Variants in NUDCD3 observed in about 807,000 individuals in gnomAD.
NUDCD3 encodes the protein nudC domain-containing protein 3.
A neutral mutation model predicts 39.7 loss-of-function variants in NUDCD3; 13 were observed. The ratio of observed to expected loss-of-function variants is 0.33; its 90% CI spans 0.21 to 0.52. The LOEUF is 0.52. Ranked by LOEUF, NUDCD3 falls within the 20% of genes least tolerant of loss-of-function variation. NUDCD3 has a pLI of 0.96. For synonymous variants in NUDCD3, 175 were observed against 172.4 expected, an observed-to-expected ratio of 1.02 and a Z score of -0.12; for missense variants, 453 against 458.1, an observed-to-expected ratio of 0.99 and a Z score of 0.10.
At chr7:44,490,364 G>C in intron 1 of NUDCD3, 45 bp downstream of exon 1, 1 of 1,480,100 alleles carries the variant, frequency 6.8e-7, no homozygotes. Context: ...AGTCAGGGCA[G>C]GCCGGGGGCG....
chr7:44,420,624 G>A (rs893001202), intron 3 of NUDCD3, among the ~76,000 whole-genome samples: 1 of 152,174 alleles, frequency 6.6e-6, no homozygotes, highest in Non-Finnish European at 1.5e-5. Flanking sequence ...TCTACAAAGG[G>A]AAGCCCACAG....
At chr7:44,431,668 C>CTTTTTT (rs755819096) in intron 2 of NUDCD3, among the ~76,000 whole-genome samples, 7 of 120,844 alleles carry the variant, frequency 5.8e-5, no homozygotes, top group Non-Finnish European at 1.2e-4. Context: ...TCTCTCCTTC[C>CTTTTTT]TTTTTTTTTT....
At chr7:44,418,303 A>G (rs1563170776) in intron 3 of NUDCD3, among the ~76,000 whole-genome samples, 1 of 152,182 alleles carries the variant, frequency 6.6e-6, no homozygotes, top group Admixed American at 6.5e-5. Context: ...AGAGAGGTTC[A>G]TTTCCTATAA....
chr7:44,388,798 T>C (rs1004431997), intron 5 of NUDCD3, among the ~76,000 whole-genome samples: 5 of 152,196 alleles, frequency 3.3e-5, no homozygotes, highest in African/African-American at 1.2e-4. Flanking sequence ...TCGCTGAAGA[T>C]CTCCCAGGGC....
chr7:44,457,250 G>A (rs1033104337), intron 2 of NUDCD3, among the ~76,000 whole-genome samples: 3 of 152,160 alleles, frequency 2.0e-5, no homozygotes, highest in South Asian at 2.1e-4. Context: ...CATTTTCCCC[G>A]ATGAATGGAA....
intron 2 of NUDCD3, among the ~76,000 whole-genome samples, chr7:44,480,941 CAAAAAAAAAA>C (rs1164765600): frequency 5.7e-5 from 2 of 34,874 alleles, no homozygotes; most frequent in African/African-American, 1.1e-4. Context: ...GACCCAGTAT[CAAAAAAAAAA>C]AAAAAAAAAA....
intron 2 of NUDCD3, among the ~76,000 whole-genome samples, chr7:44,444,711 T>C (rs1275546003): frequency 6.6e-6 from 1 of 152,204 alleles, no homozygotes; most frequent in African/African-American, 2.4e-5. Context: ...TGTGAGACCC[T>C]GTGCCGTAAG....
chr7:44,441,557 C>A (rs1375535098), intron 2 of NUDCD3, among the ~76,000 whole-genome samples: 1 of 152,172 alleles, frequency 6.6e-6, no homozygotes, highest in Non-Finnish European at 1.5e-5. Context: ...TCTACCCGCC[C>A]TGCCCAGCCT....
rs776667247 is a variant in NUDCD3, at chr7:44,409,898, T to TA, written c.643-5316dup. 2.6e-5 allele frequency among the ~76,000 whole-genome samples: 4 copies of TA among 152,150 alleles called. No individual in the cohort carries two copies. In the East Asian group the frequency reaches 7.7e-4, roughly 29 times the overall value. On this transcript the variant is annotated intron_variant, in intron 3 of 5. Coordinates refer to ENST00000355451, the MANE Select transcript of NUDCD3 (RefSeq NM_015332.4). ...GTTCAAAAGTAAAAGGGGGAAAAGATAAGCGTTCATGAAAGGGGCTCAAAA... is the reference window on the plus strand; with the variant it reads ...GTTCAAAAGTAAAAGGGGGAAAAGATAAAGCGTTCATGAAAGGGGCTCAAAA...
At chr7:44,479,261 T>A (rs1800440532) in intron 2 of NUDCD3, among the ~76,000 whole-genome samples, 1 of 152,198 alleles carries the variant, frequency 6.6e-6, no homozygotes, top group Admixed American at 6.5e-5. Context: ...CTGTGGTGGT[T>A]ACAAGACTAC....
At chr7:44,430,641 G>A (rs1468961154) in intron 2 of NUDCD3, among the ~76,000 whole-genome samples, 1 of 151,354 alleles carries the variant, frequency 6.6e-6, no homozygotes, top group Non-Finnish European at 1.5e-5. Context: ...GCAGAGATCA[G>A]GGAGTAAACA....
chr7:44,407,009 T>G (rs1798835285), intron 3 of NUDCD3, among the ~76,000 whole-genome samples: 1 of 152,126 alleles, frequency 6.6e-6, no homozygotes, highest in African/African-American at 2.4e-5. Flanking sequence ...TCCCTCTGTT[T>G]GCTACAGAAG....
At chr7:44,422,283 AAGATC>A (rs1799154652) in intron 3 of NUDCD3, among the ~76,000 whole-genome samples, 1 of 152,216 alleles carries the variant, frequency 6.6e-6, no homozygotes, top group South Asian at 2.1e-4. Flanking sequence ...AGAAATAACT[AAGATC>A]AGAGCAGAAC....
intron 2 of NUDCD3, among the ~76,000 whole-genome samples, chr7:44,440,203 T>A (rs111408647): frequency 1.4e-3 from 207 of 152,318 alleles, no homozygotes; most frequent in African/African-American, 4.6e-3. Flanking sequence ...CATGTTAACA[T>A]CATGTACCTC....
intron 2 of NUDCD3, among the ~76,000 whole-genome samples, chr7:44,428,192 T>A (rs1458648914): frequency 1.3e-5 from 2 of 149,870 alleles, no homozygotes; most frequent in African/African-American, 4.9e-5. Flanking sequence ...CCCAGCACTT[T>A]GGGAGGCCAA....
intron 2 of NUDCD3, among the ~76,000 whole-genome samples, chr7:44,460,159 T>A (rs181329721): frequency 1.4e-4 from 21 of 152,216 alleles, no homozygotes; most frequent in African/African-American, 5.1e-4. Context: ...AATCAACTGA[T>A]AGAAGAAAAG....
At chr7:44,412,465 T>C (rs1798944624) in intron 3 of NUDCD3, among the ~76,000 whole-genome samples, 1 of 152,244 alleles carries the variant, frequency 6.6e-6, no homozygotes, top group Non-Finnish European at 1.5e-5. Context: ...ATTTGCATTT[T>C]AGAACGCCTG....
chr7:44,465,046 C>A (rs999758154), intron 2 of NUDCD3, among the ~76,000 whole-genome samples: 5 of 152,166 alleles, frequency 3.3e-5, no homozygotes, highest in Non-Finnish European at 7.3e-5. Context: ...GTGCTCTGCT[C>A]CACCTCAGCA....
intron 4 of NUDCD3, among the ~76,000 whole-genome samples, chr7:44,397,107 T>G (rs893482901): frequency 6.6e-6 from 1 of 152,156 alleles, no homozygotes; most frequent in African/African-American, 2.4e-5. Context: ...TCAGCAGTCC[T>G]CTCAGCCCGA....
Sources: gnomAD v4.1 joint callset for allele counts (sites outside exome capture counted in the v4.1 genomes callset) on GRCh38, gnomAD v4.1.1 for gene constraint, MANE v1.5 for transcripts, NCBI Gene and HGNC (gene_info 2026-07-23, HGNC 2026-07-21) for gene names.